The following TET3 variants were observed in gnomAD, a reference collection of about 807,000 sequenced individuals.
TET3 encodes methylcytosine dioxygenase TET3.
Under a neutral mutation model 141.4 loss-of-function variants are expected in TET3, and 19 were observed. The ratio of observed to expected loss-of-function variants is 0.13; its 90% CI spans 0.09 to 0.20. The LOEUF is 0.20. TET3 is among the 10% of genes least tolerant of loss of function. The pLI is 1.00. For missense variants in TET3, 1,874 were observed against 2,356.9 expected, an observed-to-expected ratio of 0.80 and a Z score of 4.24; for synonymous variants, 1,043 against 980.9, an observed-to-expected ratio of 1.06 and a Z score of -1.18.
At position 74,046,287 on chromosome 2, in the gene TET3, G is replaced by C; in HGVS notation, c.370G>C (p.Glu124Gln). The change falls in exon 4 of 12, where the codon GAG (glutamate) becomes CAG (glutamine). Residue 124 changes from glutamate (E) to glutamine (Q), a missense_variant. Glu to Gln is a conservative substitution (Grantham distance 29, BLOSUM62 2). This residue lies in a region of TET3 where 366 missense variants were observed against 487.0 expected (regional missense o/e 0.75). Transcript: ENST00000409262. This position sits in a 1 kb window ranked among gnomAD's most constrained non-coding sequence, Gnocchi z 4.3. ...TTCTCTCTCTCTTTAGACAGGCTCAGAGCTCAGCCCAGTTGATGGACCTGT... is the reference window on the plus strand; with the variant it reads ...TTCTCTCTCTCTTTAGACAGGCTCACAGCTCAGCCCAGTTGATGGACCTGT... ...GQGAAVKTGS[E>Q]LSPVDGPVPG... The C allele has an allele frequency of 6.6e-6, 10 of 1,507,794 alleles. No individual in the cohort carries two copies. The highest frequency in any genetic ancestry group is 8.9e-6 in the Non-Finnish European group (10 of 1,129,084). The allele number at this position is 1,507,794 out of a possible 1,614,324, so 93.4% of individuals were successfully genotyped here.
Position 74,105,635 on chromosome 2 carries a change from T to C in TET3, c.*3459T>C. ...GAGATGATACCCCACCGCCCCCTCT[T>C]GGTCCTTCCACCAGCCTCTTTTGGG... On this transcript the variant is annotated 3_prime_UTR_variant, in exon 12 of 12. Transcript: ENST00000409262. The C allele has an allele frequency of 2.7e-6, 1 of 367,522 alleles. No individual in the cohort carries two copies. Among genetic ancestry groups the C allele is most frequent in the South Asian group, 1.5e-4 (1 of 6,764 alleles). The allele number at this position is 367,522 out of a possible 1,614,324, so 22.8% of individuals were successfully genotyped here. A position where few individuals can be genotyped will look rare whatever the true frequency, so the allele number is the denominator to read the frequency against.
chr2:74,125,903 A>G, the TET3 span, among the ~76,000 whole-genome samples: 1 of 152,194 alleles, frequency 6.6e-6, no homozygotes, highest in Admixed American at 6.5e-5. Context: ...TTATTCACTT[A>G]GAGAAAATCA....
rs146231993 is a variant in TET3, at chr2:74,075,817, G to A, written c.2585+2178G>A. ...CTGTAAATTCCAGCCTGGTATGAGG[G>A]CACTTCTGAGTCCATGAGCATGAGA... On this transcript the variant is annotated intron_variant, in intron 5 of 11. Coordinates refer to ENST00000409262, the MANE Select transcript of TET3 (RefSeq NM_001287491.2). 1.3e-4 allele frequency among the ~76,000 whole-genome samples: 20 copies of A among 152,302 alleles called. 1 individual carries two copies. In the East Asian group the frequency reaches 3.7e-3, roughly 28 times the overall value.
intron 3 of TET3, among the ~76,000 whole-genome samples, chr2:74,021,203 CCAGCTGCATCCA>C (rs1248442954): frequency 1.3e-5 from 2 of 152,290 alleles, no homozygotes; most frequent in African/African-American, 2.4e-5. Context: ...CCATGAGGCC[CCAGCTGCATCCA>C]CAGCTGCATC....
At chr2:74,110,894 G>C (rs539249795), downstream of TET3, among the ~76,000 whole-genome samples, 2 of 152,118 alleles carry the variant, frequency 1.3e-5, no homozygotes, top group East Asian at 3.9e-4. Context: ...GTGCTCTCAG[G>C]TTCACCCCAG....
intron 3 of TET3, among the ~76,000 whole-genome samples, chr2:74,024,674 C>A (rs563140812): frequency 2.6e-5 from 4 of 152,256 alleles, no homozygotes; most frequent in South Asian, 4.1e-4. Context: ...GCTTGTTTCA[C>A]CGTTTCCTGT....
Position 74,100,670 on chromosome 2 carries a change from C to A in TET3, c.3882C>A (p.Pro1294=). The A allele has an allele frequency of 6.2e-7, 1 of 1,614,060 alleles. No individual in the cohort carries two copies. Among genetic ancestry groups the A allele is most frequent in the Non-Finnish European group, 8.5e-7 (1 of 1,179,906 alleles). ...ACTATGGCTTTCCATCCAGCAACCC[C>A]GTCTTCCCCTCTCAGTTCCTGGGTC... ...FSYYGFPSSN[P]VFPSQFLGPG... The change falls in exon 12 of 12, where the codon CCC becomes CCA. Residue 1294 remains proline (P), a synonymous_variant. Coordinates refer to ENST00000409262, the MANE Select transcript of TET3 (RefSeq NM_001287491.2).
At chr2:73,989,014 T>TTG (rs1684195808) in intron 2 of TET3, among the ~76,000 whole-genome samples, 2 of 150,210 alleles carry the variant, frequency 1.3e-5, no homozygotes, top group African/African-American at 2.5e-5. Flanking sequence ...TTTTTTTTTT[T>TTG]GGTCCATGAA....
Position 74,100,600 on chromosome 2 carries a change from C to T in TET3, c.3812C>T (p.Ser1271Phe), listed in dbSNP as rs555277084. The change falls in exon 12 of 12, where the codon TCC (serine) becomes TTC (phenylalanine). Residue 1271 changes from serine (S) to phenylalanine (F), a missense_variant. Around this residue, in one of 10 missense-constraint regions of TET3, gnomAD observed 602 missense variants for 590.2 expected, o/e 1.02. Coordinates refer to ENST00000409262, the MANE Select transcript of TET3 (RefSeq NM_001287491.2). ...HSYYAQPSLT[S>F]VNGFHSKYAL... is the part of the protein sequence containing the mutation. ...TACTATGCACAGCCCAGCCTGACCT[C>T]CGTCAATGGCTTCCACTCCAAGTAC... 3.7e-6 allele frequency: 6 copies of T among 1,613,954 alleles called. No individual in the cohort carries two copies. The highest frequency in any genetic ancestry group is 3.3e-4 in the Middle Eastern group (2 of 6,060).
chr2:74,036,224 G>A (rs965406645), intron 3 of TET3, among the ~76,000 whole-genome samples: 9 of 152,138 alleles, frequency 5.9e-5, no homozygotes, highest in Middle Eastern at 6.3e-3. Flanking sequence ...ACTTGCTTAT[G>A]GTCACACAGC....
At chr2:74,074,788 G>T (rs1661550854) in intron 5 of TET3, among the ~76,000 whole-genome samples, 1 of 152,244 alleles carries the variant, frequency 6.6e-6, no homozygotes, top group Non-Finnish European at 1.5e-5. Flanking sequence ...CTATGGAAAA[G>T]GTAGATAGTC....
intron 6 of TET3, among the ~76,000 whole-genome samples, chr2:74,084,585 T>G (rs1464330293): frequency 6.6e-6 from 1 of 152,028 alleles, no homozygotes. Flanking sequence ...CCCAAGTAGC[T>G]GAGACTACAG....
chr2:74,129,237 A>G, the TET3 span, among the ~76,000 whole-genome samples: 1 of 133,664 alleles, frequency 7.5e-6, no homozygotes, highest in Non-Finnish European at 1.5e-5. Flanking sequence ...AATCTCTTGA[A>G]CCCGGGAGGC....
intron 10 of TET3, 97 bp from the exon 11 acceptor site, chr2:74,099,179 G>T: frequency 9.0e-7 from 1 of 1,114,492 alleles, no homozygotes; most frequent in Non-Finnish European, 1.3e-6. Flanking sequence ...GATTGTGTGG[G>T]GAAAGATGAG....
rs1038404012 is a variant in TET3 at position 74,106,380 on chromosome 2, C to T, written c.*4204C>T. On this transcript the variant is annotated 3_prime_UTR_variant, in exon 12 of 12. Coordinates refer to ENST00000409262, the MANE Select transcript of TET3 (RefSeq NM_001287491.2). ...AGGGGAGTTGGGTACTTCTGCCTCT[C>T]CTAGCATGATAGGCATTCTCATAGC... is the stretch of plus-strand genomic sequence containing the variant. The T allele has an allele frequency of 6.5e-6, 1 of 153,728 alleles. No homozygotes were observed. Among genetic ancestry groups the T allele is most frequent in the African/African-American group, 2.4e-5 (1 of 41,418 alleles). The allele number at this position is 153,728 out of a possible 1,614,324, so 9.5% of individuals were successfully genotyped here.
chr2:74,108,580 T>C (rs948049910), downstream of TET3, among the ~76,000 whole-genome samples: 11 of 152,188 alleles, frequency 7.2e-5, no homozygotes, highest in Non-Finnish European at 1.0e-4. Context: ...GCAAGTCTAG[T>C]AGGGATTGGC....
At chr2:74,088,616 G>C (rs1450956365) in intron 7 of TET3, among the ~76,000 whole-genome samples, 1 of 152,146 alleles carries the variant, frequency 6.6e-6, no homozygotes, top group Non-Finnish European at 1.5e-5. Flanking sequence ...ACTCCAGCCT[G>C]GGCAACAGTG....
chr2:74,135,291 C>T, the TET3 span: 1 of 504,306 alleles, frequency 2.0e-6, no homozygotes, highest in East Asian at 3.2e-5. Flanking sequence ...ACAGGAAAAC[C>T]TCTTCAAAAG....
chr2:74,101,418 T>C lies in TET3; in HGVS notation c.4630T>C (p.Ser1544Pro). ...PWALGAGDFN[S>P]ALKGSPGFQD... ...GGCGCTGGGGGCAGGGGATTTCAAC[T>C]CGGCCCTGAAAGGTAGTCCTGGGTT... The change falls in exon 12 of 12, where the codon TCG becomes CCG. Residue 1544 changes from serine to proline, a missense_variant. Ser to Pro is a moderately conservative substitution (Grantham distance 74). Around this residue, in one of 10 missense-constraint regions of TET3, gnomAD observed 602 missense variants for 590.2 expected, o/e 1.02. Coordinates refer to ENST00000409262, the MANE Select transcript of TET3 (RefSeq NM_001287491.2). The surrounding 1 kb of genome is among the most constrained non-coding windows in gnomAD (Gnocchi z 8.5). 6.2e-7 allele frequency: 1 copy of C among 1,613,518 alleles called. No individual in the cohort carries two copies. The highest frequency in any genetic ancestry group is 8.5e-7 in the Non-Finnish European group (1 of 1,179,780).
Sources: gnomAD v4.1 joint callset for allele counts (sites outside exome capture counted in the v4.1 genomes callset) on GRCh38, gnomAD v4.1.1 for gene constraint, gnomAD v4.1.1 regional missense constraint, Gnocchi (gnomAD v3.1) non-coding constraint, MANE v1.5 for transcripts, NCBI Gene and HGNC (gene_info 2026-07-23, HGNC 2026-07-21) for gene names.